Variants in SEPTIN14 observed in about 807,000 individuals in gnomAD.
SEPTIN14 encodes septin-14.
A neutral mutation model predicts 53.6 loss-of-function variants in SEPTIN14; 40 were observed. That is an observed-to-expected ratio of 0.75 (90% CI 0.58 to 0.97). The LOEUF (loss-of-function observed/expected upper bound fraction) is 0.97. Ranked by LOEUF, SEPTIN14 falls within the 50% of genes least tolerant of loss-of-function variation. The pLI is 0.00. For synonymous variants in SEPTIN14, 138 were observed against 166.8 expected, an observed-to-expected ratio of 0.83 and a Z score of 1.33; for missense variants, 471 against 508.2, an observed-to-expected ratio of 0.93 and a Z score of 0.70.
intron 5 of SEPTIN14, among the ~76,000 whole-genome samples, chr7:55,837,137 A>G (rs1562715592): frequency 6.7e-6 from 1 of 149,676 alleles, no homozygotes; most frequent in African/African-American, 2.5e-5. Context: ...AGAGAGAGAG[A>G]GAGGGTCTTG....
At chr7:55,851,938 C>G (rs1158666912) in intron 2 of SEPTIN14, among the ~76,000 whole-genome samples, 1 of 151,854 alleles carries the variant, frequency 6.6e-6, no homozygotes, top group Non-Finnish European at 1.5e-5. Flanking sequence ...GTCAGGAGAT[C>G]GAGACCATCC....
chr7:55,802,025 A>C (rs1788528656), intron 9 of SEPTIN14, among the ~76,000 whole-genome samples: 1 of 137,462 alleles, frequency 7.3e-6, no homozygotes, highest in African/African-American at 2.9e-5. Context: ...TATGAGACGG[A>C]GTCTTGCTCT....
intron 6 of SEPTIN14, among the ~76,000 whole-genome samples, chr7:55,822,856 C>CA (rs148179709): frequency 0.018 from 1,869 of 104,374 alleles, 24 homozygotes; most frequent in African/African-American, 0.042. Flanking sequence ...CAGGGGAAAG[C>CA]AAAAAAAAAA....
chr7:55,800,032 T>A (rs1788501237), intron 9 of SEPTIN14, among the ~76,000 whole-genome samples: 4 of 152,212 alleles, frequency 2.6e-5, no homozygotes, highest in Admixed American at 2.6e-4. Flanking sequence ...TCATATTATG[T>A]ATCTTTTTAT....
At chr7:55,834,791 C>T (rs1311510488) in intron 5 of SEPTIN14, among the ~76,000 whole-genome samples, 1 of 152,134 alleles carries the variant, frequency 6.6e-6, no homozygotes, top group Non-Finnish European at 1.5e-5. Flanking sequence ...CACAGGCACC[C>T]GCCACCACGC....
At chr7:55,860,365 C>T (rs1789722724) in intron 2 of SEPTIN14, among the ~76,000 whole-genome samples, 1 of 152,002 alleles carries the variant, frequency 6.6e-6, no homozygotes, top group South Asian at 2.1e-4. Flanking sequence ...TGATAGCTAC[C>T]AGAGGCTGGG....
chr7:55,858,605 G>T (rs1311518416), intron 2 of SEPTIN14, among the ~76,000 whole-genome samples: 1 of 152,174 alleles, frequency 6.6e-6, no homozygotes, highest in Non-Finnish European at 1.5e-5. Flanking sequence ...GAGAGTTTGA[G>T]ACCAGTCTGA....
At chr7:55,814,966 T>G (rs1289854973) in intron 7 of SEPTIN14, among the ~76,000 whole-genome samples, 1 of 152,072 alleles carries the variant, frequency 6.6e-6, no homozygotes, top group Non-Finnish European at 1.5e-5. Flanking sequence ...TGGAACAGAA[T>G]AGCGAACCCA....
At chr7:55,829,603 C>A (rs1789056952) in intron 6 of SEPTIN14, among the ~76,000 whole-genome samples, 1 of 151,804 alleles carries the variant, frequency 6.6e-6, no homozygotes, top group Non-Finnish European at 1.5e-5. Context: ...TTCATCCCTC[C>A]CTGCTCGGAT....
At position 55,817,474 on chromosome 7, in the gene SEPTIN14, A is replaced by AT. The variant is rs928851803; in HGVS notation, c.817+1652dup. Among the ~76,000 whole-genome samples, 126 of 135,920 alleles carry AT rather than the reference A, an allele frequency of 9.3e-4. 1 individual carries two copies. Among genetic ancestry groups the AT allele is most frequent in the African/African-American group, 2.0e-3 (65 of 33,024 alleles). The allele number at this position is 135,920 out of a possible 152,430, so 89.2% of individuals were successfully genotyped here. ...ATAACAATATTTTATATATATATATATATTTTTTTTTTTTGAAAAGGAGTC... is the reference window on the plus strand; with the variant it reads ...ATAACAATATTTTATATATATATATATTATTTTTTTTTTTTGAAAAGGAGTC... On this transcript the variant is annotated intron_variant, in intron 7 of 9. Coordinates refer to ENST00000388975, the MANE Select transcript of SEPTIN14 (RefSeq NM_207366.3).
intron 5 of SEPTIN14, among the ~76,000 whole-genome samples, chr7:55,835,619 T>C (rs1322346996): frequency 6.6e-6 from 1 of 152,232 alleles, no homozygotes; most frequent in Non-Finnish European, 1.5e-5. Flanking sequence ...CATCACTTTT[T>C]CCATCAATCA....
intron 6 of SEPTIN14, among the ~76,000 whole-genome samples, chr7:55,822,420 A>G (rs1788911704): frequency 1.3e-5 from 2 of 152,238 alleles, no homozygotes; most frequent in Non-Finnish European, 2.9e-5. Flanking sequence ...AATTTATATG[A>G]AAAGGCAAAA....
intron 3 of SEPTIN14, among the ~76,000 whole-genome samples, chr7:55,846,213 T>C (rs1274244321): frequency 2.7e-5 from 4 of 147,382 alleles, no homozygotes; most frequent in African/African-American, 1.0e-4. Flanking sequence ...TCACTACAGG[T>C]CGAGTGTGGT....
rs1788379820 is a variant in SEPTIN14 at position 55,793,768 on chromosome 7, T to C, written c.*2145A>G. 6.6e-6 allele frequency: 1 copy of C among 152,032 alleles called. No homozygotes were observed. The highest frequency in any genetic ancestry group is 2.4e-5 in the African/African-American group (1 of 41,420). 9.4% of individuals were successfully genotyped at this position (152,032 alleles called of 1,614,324 possible). On this transcript the variant is annotated 3_prime_UTR_variant, in exon 10 of 10. Transcript: ENST00000388975. ...ATAACTCCAGGATGTTATATGTAAT[T>C]TTCATAGTAACCAAAAACGAAATCT...
chr7:55,854,103 C>T (rs1038113994), intron 2 of SEPTIN14, among the ~76,000 whole-genome samples: 2 of 151,092 alleles, frequency 1.3e-5, no homozygotes, highest in Non-Finnish European at 1.5e-5. Context: ...CCTGGGTAAC[C>T]GAGTAAAACC....
At chr7:55,817,963 T>A (rs1247617242) in intron 7 of SEPTIN14, among the ~76,000 whole-genome samples, 1 of 152,160 alleles carries the variant, frequency 6.6e-6, no homozygotes, top group African/African-American at 2.4e-5. Flanking sequence ...ATAATTTGTA[T>A]GGCTCTCTCC....
At chr7:55,859,729 C>T (rs1789709131) in intron 2 of SEPTIN14, among the ~76,000 whole-genome samples, 2 of 152,044 alleles carry the variant, frequency 1.3e-5, no homozygotes, top group Admixed American at 1.3e-4. Context: ...AATCCCACTA[C>T]TGGGTATATA....
At chr7:55,809,814 A>G (rs1584253489) in intron 7 of SEPTIN14, among the ~76,000 whole-genome samples, 1 of 146,500 alleles carries the variant, frequency 6.8e-6, no homozygotes, top group South Asian at 2.1e-4. Context: ...TATGCTTGCC[A>G]GCACTTGTAA....
At chr7:55,860,025 C>G (rs373787333) in intron 2 of SEPTIN14, among the ~76,000 whole-genome samples, 31 of 151,770 alleles carry the variant, frequency 2.0e-4, no homozygotes, top group Admixed American at 3.9e-4. Flanking sequence ...ACTAAAAATA[C>G]AAAATTATCC....
Sources: gnomAD v4.1 joint callset for allele counts (sites outside exome capture counted in the v4.1 genomes callset) on GRCh38, gnomAD v4.1.1 for gene constraint, MANE v1.5 for transcripts, NCBI Gene and HGNC (gene_info 2026-07-23, HGNC 2026-07-21) for gene names.